Variants in C11orf16 observed in about 807,000 individuals in gnomAD.
C11orf16 encodes the protein chromosome 11 open reading frame 16, also known as uncharacterized protein C11orf16.
Under a neutral mutation model 45.1 loss-of-function variants are expected in C11orf16, and 38 were observed. That is an observed-to-expected ratio of 0.84 (90% CI 0.65 to 1.10). The LOEUF is 1.10. Among genes scored for constraint, C11orf16 ranks in the 50% least tolerant of loss-of-function variants. The pLI, the probability that C11orf16 is intolerant of heterozygous loss-of-function variation, is 0.00. For missense variants in C11orf16, 583 were observed against 569.5 expected (o/e 1.02, Z -0.24); for synonymous variants, 221 against 222.0 (o/e 1.00, Z 0.04).
chr11:8,929,402 C>G lies in C11orf16; in HGVS notation c.299G>C (p.Arg100Pro). ...CTCGGGAGTGGCCTTTATTTGGGCCCGGTAGTAAAAACCATCTGCTTCCCT... is the reference window on the plus strand; with the variant it reads ...CTCGGGAGTGGCCTTTATTTGGGCCGGGTAGTAAAAACCATCTGCTTCCCT... Reference protein sequence around the residue: ...ARREADGFYYRAQIKATPELE... With the variant: ...ARREADGFYYPAQIKATPELE... Residue 100 changes from arginine (R) to proline (P), a missense_variant, in exon 3 of 7, where the codon CGG becomes CCG. Coordinates refer to ENST00000326053, the MANE Select transcript of C11orf16 (RefSeq NM_020643.3). 1 of 1,613,934 alleles carries G rather than the reference C, an allele frequency of 6.2e-7. No individual in the cohort carries two copies. Among genetic ancestry groups the G allele is most frequent in the Non-Finnish European group, 8.5e-7 (1 of 1,179,944 alleles).
chr11:8,920,285 A>T lies in C11orf16; in HGVS notation c.*188T>A. ...CCCACATTCCTATAGCCCTCACAACAGGTGCCTTCCTGCTGCTTATCTGCA... is the reference window on the plus strand; with the variant it reads ...CCCACATTCCTATAGCCCTCACAACTGGTGCCTTCCTGCTGCTTATCTGCA... On this transcript the variant is annotated 3_prime_UTR_variant, in exon 7 of 7. Transcript: ENST00000326053. The T allele has an allele frequency of 2.0e-6, 1 of 487,808 alleles. No homozygotes were observed. Among genetic ancestry groups the T allele is most frequent in the Non-Finnish European group, 3.6e-6 (1 of 278,170 alleles). 30.2% of individuals were successfully genotyped at this position (487,808 alleles called of 1,614,324 possible).
At chr11:8,926,861 G>T in intron 4 of C11orf16, 79 bp downstream of exon 4, 6 of 1,154,258 alleles carry the variant, frequency 5.2e-6, no homozygotes, top group Non-Finnish European at 7.6e-6. Context: ...AGCTGTAGAC[G>T]CAGCCTTGGC....
intron 6 of C11orf16, 44 bp from the exon 7 acceptor site, chr11:8,920,494 A>C: frequency 3.1e-6 from 2 of 644,100 alleles, no homozygotes; most frequent in Middle Eastern, 2.4e-4. Flanking sequence ...TGCTGACTGC[A>C]ATTTTAAGAA....
Position 8,926,006 on chromosome 11 carries a change from C to G in C11orf16, c.661G>C (p.Ala221Pro). ...QSVSLTIWKK[A>P]VERLHKSFTR... The stretch of plus-strand genomic sequence containing the variant: ...AAAGACTTGTGCAGCCTCTCCACAG[C>G]CTTCTTCCAGATGGTCAGGGACACC... The change falls in exon 5 of 7, where the codon GCT (alanine) becomes CCT (proline). Residue 221 changes from alanine to proline, a missense_variant. By Grantham distance (27) the Ala-to-Pro change is conservative. Transcript: ENST00000326053. The G allele has an allele frequency of 6.2e-7, 1 of 1,614,160 alleles. No homozygotes were observed. Among genetic ancestry groups the G allele is most frequent in the Middle Eastern group, 1.6e-4 (1 of 6,062 alleles).
chr11:8,923,608 G>A (rs2064588916), intron 5 of C11orf16, among the ~76,000 whole-genome samples: 1 of 152,074 alleles, frequency 6.6e-6, no homozygotes, highest in Non-Finnish European at 1.5e-5. Flanking sequence ...AAAGAAACCG[G>A]CATTTCTTTC....
At position 8,925,917 on chromosome 11, in the gene C11orf16, A is replaced by G. The variant is rs1264386712; in HGVS notation, c.750T>C (p.Thr250=). ...GAGGAAGCTCATTAGTGATGCGCCC[A>G]GTGATTGGCCCTAGCAGAGAGCAGC... ...APCCSLLGPI[T]GRITNELPPD... The change falls in exon 5 of 7, where the codon ACT becomes ACC. Residue 250 remains threonine, a synonymous_variant. Coordinates refer to ENST00000326053, the MANE Select transcript of C11orf16 (RefSeq NM_020643.3). 1.2e-6 allele frequency: 2 copies of G among 1,614,106 alleles called. No homozygotes were observed. The highest frequency in any genetic ancestry group is 2.7e-5 in the African/African-American group (2 of 74,952).
At chr11:8,926,151 A>G in intron 4 of C11orf16, 44 bp from the exon 5 acceptor site, 2 of 1,342,856 alleles carry the variant, frequency 1.5e-6, no homozygotes, top group Non-Finnish European at 2.0e-6. Flanking sequence ...ATTACCAATT[A>G]TCTCCTTTTT....
At chr11:8,931,112 G>A (rs931644385) in intron 2 of C11orf16, among the ~76,000 whole-genome samples, 1 of 152,124 alleles carries the variant, frequency 6.6e-6, no homozygotes, top group South Asian at 2.1e-4. Context: ...ATCCTATTCA[G>A]GAAAATCCTG....
rs201165748 is a variant in C11orf16 at position 8,921,422 on chromosome 11, G to A, written c.1298C>T (p.Ser433Leu). The change falls in exon 6 of 7, where the codon TCG (serine) becomes TTG (leucine). Residue 433 changes from serine (S) to leucine (L), a missense_variant. Physicochemically the swap from Ser to Leu is moderately radical, Grantham distance 145. Coordinates refer to ENST00000326053, the MANE Select transcript of C11orf16 (RefSeq NM_020643.3). ...CGGTGGCTTCATGTGGGTTGCTTTCGAGACCAGCTCCTTGGTAGTCCCCAC... is the reference window on the plus strand; with the variant it reads ...CGGTGGCTTCATGTGGGTTGCTTTCAAGACCAGCTCCTTGGTAGTCCCCAC... ...AVVGTTKELVSKATHMKPPRT... is the reference protein window; with the variant it reads ...AVVGTTKELVLKATHMKPPRT... 1.6e-4 allele frequency: 264 copies of A among 1,614,052 alleles called. No individual in the cohort carries two copies. Among genetic ancestry groups the A allele is most frequent in the Middle Eastern group, 3.3e-4 (2 of 6,084 alleles).
chr11:8,926,057 T>G lies in C11orf16; in HGVS notation c.610A>C (p.Lys204Gln), dbSNP rs767937028. Reference sequence around the variant, plus strand: ...GACTGGACCCCACCTAGGGGCACTTTAGCAGCTTTGCCATTCCAGAAATGA... The same window carrying G: ...GACTGGACCCCACCTAGGGGCACTTGAGCAGCTTTGCCATTCCAGAAATGA... ...TVHFWNGKAA[K>Q]VPLGGVQSVS... Residue 204 changes from lysine to glutamine, a missense_variant, in exon 5 of 7, where the codon AAA becomes CAA. Physicochemically the swap from Lys to Gln is moderately conservative, Grantham distance 53. Coordinates refer to ENST00000326053, the MANE Select transcript of C11orf16 (RefSeq NM_020643.3). 8.4e-5 allele frequency: 136 copies of G among 1,613,374 alleles called. No individual in the cohort carries two copies. Among genetic ancestry groups the G allele is most frequent in the Non-Finnish European group, 9.0e-5 (106 of 1,179,544 alleles).
At chr11:8,920,783 A>G (rs985227397) in intron 6 of C11orf16, among the ~76,000 whole-genome samples, 3 of 152,180 alleles carry the variant, frequency 2.0e-5, no homozygotes, top group African/African-American at 7.2e-5. Flanking sequence ...AGCCATGATT[A>G]TGCCACTGCA....
intron 5 of C11orf16, among the ~76,000 whole-genome samples, chr11:8,922,704 A>G (rs2064583499): frequency 6.6e-6 from 1 of 152,260 alleles, no homozygotes; most frequent in South Asian, 2.1e-4. Context: ...CAGAACGGAT[A>G]TCAAGTCCTG....
intron 3 of C11orf16, among the ~76,000 whole-genome samples, chr11:8,928,737 G>C (rs964763927): frequency 1.3e-5 from 2 of 152,166 alleles, no homozygotes; most frequent in East Asian, 3.9e-4. Flanking sequence ...CTGGCCTCAA[G>C]CAATCCTCCC....
In C11orf16 at chr11:8,925,678, G is replaced by T. The variant is rs867351612; in HGVS notation, c.989C>A (p.Ala330Asp). 1 of 1,614,250 alleles carries T rather than the reference G, an allele frequency of 6.2e-7. No individual in the cohort carries two copies. Among genetic ancestry groups the T allele is most frequent in the African/African-American group, 1.3e-5 (1 of 75,062 alleles). Residue 330 changes from alanine (A) to aspartate (D), a missense_variant, in exon 5 of 7, where the codon GCT becomes GAT. Coordinates refer to ENST00000326053, the MANE Select transcript of C11orf16 (RefSeq NM_020643.3). ...TGAGGAGGAAGAAACAGCCAGGGGA[G>T]CGTGCATTGCTACTTTCTCCTCTTT... is the stretch of plus-strand genomic sequence containing the variant. ...GPKEEKVAMH[A>D]PLAVSSSSSS...
rs372597728 is a variant in C11orf16, at chr11:8,920,324, G to C, written c.*149C>G. ...TGCTTATCTGCAGGGAGGTCTTCGT[G>C]GGGTGGAGATACTGGTGGTTATTTG... On this transcript the variant is annotated 3_prime_UTR_variant, in exon 7 of 7. Transcript: ENST00000326053. 5.6e-6 allele frequency: 3 copies of C among 535,850 alleles called. No individual in the cohort carries two copies. The highest frequency in any genetic ancestry group is 2.7e-4 in the Middle Eastern group (1 of 3,712). 33.2% of individuals were successfully genotyped at this position (535,850 alleles called of 1,614,324 possible).
At chr11:8,925,356 C>A (rs908377848) in intron 5 of C11orf16, 107 bp downstream of exon 5, 5 of 1,023,948 alleles carry the variant, frequency 4.9e-6, no homozygotes, top group Non-Finnish European at 7.2e-6. Context: ...TTACTGCAGT[C>A]CCAACAGAGT....
rs551903764 is a variant in C11orf16 at position 8,925,366 on chromosome 11, T to C, written c.1204+97A>G. 2.5e-5 allele frequency: 27 copies of C among 1,098,740 alleles called. No homozygotes were observed. In the South Asian group the frequency reaches 2.7e-4, roughly 11 times the overall value. 68.1% of individuals were successfully genotyped at this position (1,098,740 alleles called of 1,614,324 possible). On this transcript the variant is annotated intron_variant, in intron 5 of 6. Coordinates refer to ENST00000326053, the MANE Select transcript of C11orf16 (RefSeq NM_020643.3). ...AAGGATTACTGCAGTCCCAACAGAG[T>C]GGACACGTGCATCAAATTCCTAAGG...
intron 3 of C11orf16, 60 bp from the exon 4 acceptor site, chr11:8,927,234 C>A (rs759361148): frequency 1.6e-4 from 222 of 1,376,088 alleles, no homozygotes; most frequent in Non-Finnish European, 2.2e-4. Flanking sequence ...TAGGGAGCAC[C>A]CAGGTTCCCT....
At chr11:8,929,872 A>T (rs1229877109) in intron 2 of C11orf16, among the ~76,000 whole-genome samples, 3 of 152,182 alleles carry the variant, frequency 2.0e-5, no homozygotes, top group Admixed American at 6.5e-5. Flanking sequence ...TAATCCCAGC[A>T]CTTTGGGAGG....
Sources: gnomAD v4.1 joint callset for allele counts (sites outside exome capture counted in the v4.1 genomes callset) on GRCh38, gnomAD v4.1.1 for gene constraint, MANE v1.5 for transcripts, NCBI Gene and HGNC (gene_info 2026-07-23, HGNC 2026-07-21) for gene names.